HHAT: variants seen among roughly 807,000 people sequenced by gnomAD.
HHAT encodes the protein hedgehog acyltransferase.
Under a neutral mutation model 70.8 loss-of-function variants are expected in HHAT, and 47 were observed. The observed-to-expected ratio is 0.66, with a 90% CI of 0.53 to 0.85. The LOEUF (loss-of-function observed/expected upper bound fraction) is 0.85, where lower values mean the gene tolerates loss of function less well. HHAT is among the 40% of genes least tolerant of loss of function. HHAT has a pLI of 0.00. For missense variants in HHAT, 609 were observed against 604.8 expected, an observed-to-expected ratio of 1.01 and a Z score of -0.07; for synonymous variants, 228 against 247.6, an observed-to-expected ratio of 0.92 and a Z score of 0.74.
At chr1:210,488,349 C>T (rs2094503377) in intron 8 of HHAT, among the ~76,000 whole-genome samples, 1 of 152,196 alleles carries the variant, frequency 6.6e-6, no homozygotes, top group Non-Finnish European at 1.5e-5. Context: ...CCTCACTCTC[C>T]ACTTTTTCTT....
chr1:210,494,380 G>A (rs753425885), intron 8 of HHAT, among the ~76,000 whole-genome samples: 1 of 152,058 alleles, frequency 6.6e-6, no homozygotes, highest in African/African-American at 2.4e-5. Context: ...AGAGCTAACA[G>A]GCTCTGCTGA....
chr1:210,557,746 T>C (rs192229970), intron 9 of HHAT, among the ~76,000 whole-genome samples: 1 of 152,288 alleles, frequency 6.6e-6, no homozygotes, highest in Admixed American at 6.5e-5. Context: ...GGCCCTGTGA[T>C]TCAATTATTT....
At chr1:210,398,015 T>G (rs1287558074) in intron 4 of HHAT, among the ~76,000 whole-genome samples, 2 of 152,240 alleles carry the variant, frequency 1.3e-5, no homozygotes, top group African/African-American at 2.4e-5. Context: ...TTACTTATTT[T>G]GAGATGGAAT....
At chr1:210,530,478 C>A (rs1050881791) in intron 9 of HHAT, among the ~76,000 whole-genome samples, 1 of 152,102 alleles carries the variant, frequency 6.6e-6, no homozygotes, top group Admixed American at 6.6e-5. Context: ...ATTCAAATAC[C>A]CTTTCCTGAA....
At chr1:210,448,767 T>C (rs912194574) in intron 7 of HHAT, among the ~76,000 whole-genome samples, 9 of 151,924 alleles carry the variant, frequency 5.9e-5, no homozygotes, top group Non-Finnish European at 1.0e-4. Context: ...GAACATGTTT[T>C]TATATATAGG....
intron 11 of HHAT, among the ~76,000 whole-genome samples, chr1:210,635,917 G>A (rs1367129549): frequency 3.5e-5 from 5 of 141,192 alleles, no homozygotes; most frequent in African/African-American, 5.0e-5. Context: ...GGCTAAGTTC[G>A]TTCTGGAAGG....
At chr1:210,587,499 G>A (rs537928223) in intron 9 of HHAT, among the ~76,000 whole-genome samples, 1 of 152,128 alleles carries the variant, frequency 6.6e-6, no homozygotes, top group Admixed American at 6.5e-5. Context: ...ATTTGGGTGG[G>A]GTCACAGCCA....
At chr1:210,647,410 T>A (rs923849948) in intron 11 of HHAT, among the ~76,000 whole-genome samples, 9 of 152,198 alleles carry the variant, frequency 5.9e-5, no homozygotes, top group Non-Finnish European at 1.3e-4. Flanking sequence ...TATTATTTGG[T>A]CCTTTTCCCC....
At chr1:210,352,985 G>A (rs185628022) in intron 2 of HHAT, among the ~76,000 whole-genome samples, 5 of 151,388 alleles carry the variant, frequency 3.3e-5, no homozygotes, top group African/African-American at 9.7e-5. Context: ...ACCCAGGCTG[G>A]AGTGCAGTGG....
chr1:210,413,670 A>G (rs1012358794), intron 6 of HHAT, among the ~76,000 whole-genome samples: 1 of 152,236 alleles, frequency 6.6e-6, no homozygotes, highest in African/African-American at 2.4e-5. Context: ...TTGCTGGTTC[A>G]TAACAGGATT....
At chr1:210,347,978 G>A (rs1050004783) in intron 1 of HHAT, among the ~76,000 whole-genome samples, 2 of 152,232 alleles carry the variant, frequency 1.3e-5, no homozygotes, top group South Asian at 4.1e-4. Context: ...TTTAATTGAT[G>A]TGTAAGAAGA....
chr1:210,668,233 C>T (rs892407417), intron 11 of HHAT, among the ~76,000 whole-genome samples: 1 of 152,208 alleles, frequency 6.6e-6, no homozygotes, highest in African/African-American at 2.4e-5. Flanking sequence ...TGGGTTGCTT[C>T]CACCTTTTGG....
intron 5 of HHAT, among the ~76,000 whole-genome samples, chr1:210,402,060 C>T (rs569876766): frequency 6.6e-6 from 1 of 152,264 alleles, no homozygotes; most frequent in African/African-American, 2.4e-5. Flanking sequence ...GTTGGAGCTG[C>T]CAAGGTCTGT....
intron 7 of HHAT, among the ~76,000 whole-genome samples, chr1:210,442,358 A>G (rs1326942380): frequency 1.1e-4 from 15 of 140,856 alleles, no homozygotes; most frequent in African/African-American, 3.7e-4. Flanking sequence ...TCCTTTGGGT[A>G]TATACCCAGT....
chr1:210,481,690 G>C (rs2255775), intron 8 of HHAT, among the ~76,000 whole-genome samples: 1 of 152,012 alleles, frequency 6.6e-6, no homozygotes, highest in Non-Finnish European at 1.5e-5. Context: ...CACAGAACTT[G>C]TCTGTGAATG....
At chr1:210,457,611 C>T (rs984629880) in intron 7 of HHAT, among the ~76,000 whole-genome samples, 9 of 152,134 alleles carry the variant, frequency 5.9e-5, no homozygotes, top group Admixed American at 1.3e-4. Flanking sequence ...GCAAAGATGG[C>T]AGCTCTGCAG....
At chr1:210,502,823 A>C (rs192221401) in intron 8 of HHAT, among the ~76,000 whole-genome samples, 1 of 152,336 alleles carries the variant, frequency 6.6e-6, no homozygotes. Context: ...TAGTTATAAT[A>C]GGTCAGCAAA....
chr1:210,484,833 C>T (rs139478926), intron 8 of HHAT, among the ~76,000 whole-genome samples: 1 of 152,248 alleles, frequency 6.6e-6, no homozygotes, highest in Non-Finnish European at 1.5e-5. Flanking sequence ...CAGTCTTAGC[C>T]AATGGGAGCC....
intron 9 of HHAT, among the ~76,000 whole-genome samples, chr1:210,556,700 G>C (rs895602208): frequency 3.9e-5 from 6 of 152,204 alleles, no homozygotes; most frequent in Admixed American, 6.5e-5. Flanking sequence ...TTAGCTCTTT[G>C]AGTTGGAGAC....
Sources: gnomAD v4.1 joint callset for allele counts (sites outside exome capture counted in the v4.1 genomes callset) on GRCh38, gnomAD v4.1.1 for gene constraint, MANE v1.5 for transcripts, NCBI Gene and HGNC (gene_info 2026-07-23, HGNC 2026-07-21) for gene names.